Variants in ERBIN observed in about 807,000 individuals in gnomAD.
ERBIN encodes erbb2 interacting protein.
In ERBIN, 60 loss-of-function variants were observed where a neutral mutation model predicts 158.4. That is an observed-to-expected ratio of 0.38 (90% CI 0.31 to 0.47). The LOEUF is 0.47. Among genes scored for constraint, ERBIN ranks in the 20% least tolerant of loss-of-function variants. ERBIN has a pLI of 0.99. For missense variants in ERBIN, 1,610 were observed against 1,648.0 expected, an observed-to-expected ratio of 0.98 and a Z score of 0.40; for synonymous variants, 594 against 557.2, an observed-to-expected ratio of 1.07 and a Z score of -0.93.
chr5:66,018,652 T>G (rs866566491), intron 7 of ERBIN, among the ~76,000 whole-genome samples: 1 of 128,806 alleles, frequency 7.8e-6, no homozygotes, highest in Middle Eastern at 3.5e-3. Context: ...ATTTTTTGTG[T>G]GTGTGATGAA....
chr5:65,965,584 G>T (rs1399722269), intron 1 of ERBIN, among the ~76,000 whole-genome samples: 1 of 146,764 alleles, frequency 6.8e-6, no homozygotes, highest in African/African-American at 2.5e-5. Flanking sequence ...AGTAGAGGTG[G>T]GTTTCACCAT....
intron 7 of ERBIN, among the ~76,000 whole-genome samples, chr5:66,020,890 C>T (rs1209627808): frequency 3.3e-5 from 5 of 151,894 alleles, no homozygotes; most frequent in South Asian, 2.1e-4. Context: ...TATTAATTTT[C>T]GGAGTTACAG....
chr5:66,070,984 T>C (rs1184557348), intron 21 of ERBIN, among the ~76,000 whole-genome samples: 3 of 152,178 alleles, frequency 2.0e-5, no homozygotes, highest in South Asian at 2.1e-4. Context: ...TTCTAAAATA[T>C]ATATAGGGAT....
At chr5:65,982,835 A>G (rs1372571574) in intron 1 of ERBIN, among the ~76,000 whole-genome samples, 1 of 152,214 alleles carries the variant, frequency 6.6e-6, no homozygotes, top group Non-Finnish European at 1.5e-5. Context: ...ACCTATGAGA[A>G]CAGAAGCATG....
At chr5:66,058,236 G>A (rs1313896462) in intron 21 of ERBIN, among the ~76,000 whole-genome samples, 2 of 151,628 alleles carry the variant, frequency 1.3e-5, no homozygotes, top group East Asian at 1.9e-4. Context: ...TCTAACTGGT[G>A]TGAGATGGTA....
At chr5:66,074,072 T>TTTA (rs1463596349) in intron 22 of ERBIN, among the ~76,000 whole-genome samples, 2 of 139,410 alleles carry the variant, frequency 1.4e-5, no homozygotes, top group South Asian at 2.2e-4. Flanking sequence ...TTTTTTTTTT[T>TTTA]AGAGATGGGG....
chr5:66,002,935 A>G (rs1753152377), intron 4 of ERBIN, among the ~76,000 whole-genome samples: 1 of 152,218 alleles, frequency 6.6e-6, no homozygotes, highest in African/African-American at 2.4e-5. Context: ...TACACTGTCC[A>G]TGTTTAGACT....
At position 66,052,326 on chromosome 5, in the gene ERBIN, G is replaced by A. The variant is rs144632503; in HGVS notation, c.2088-1080G>A. Among the ~76,000 whole-genome samples, 1,127 of 152,142 alleles carry A rather than the reference G, an allele frequency of 7.4e-3. 20 individuals carry two copies. Among genetic ancestry groups the A allele is most frequent in the African/African-American group, 0.026 (1,076 of 41,492 alleles). On this transcript the variant is annotated intron_variant, in intron 20 of 25. Transcript: ENST00000284037. ...AAGTAAAATTTGTATATATTAATGC[G>A]TGTTGTTGGAAAAGGGAGGTGAATT...
rs1759412650 is a variant in ERBIN, at chr5:66,054,658, G to A, written c.3340G>A (p.Gly1114Arg). ...YLSYREFHSA[G>R]RTPPMMPGSQ... Reference sequence around the variant, plus strand: ...ATCATACAGAGAGTTCCACTCAGCGGGAAGAACTCCTCCAATGATGCCAGG... The same window carrying A: ...ATCATACAGAGAGTTCCACTCAGCGAGAAGAACTCCTCCAATGATGCCAGG... The change falls in exon 21 of 26, where the codon GGA becomes AGA. Residue 1114 changes from glycine (G) to arginine (R), a missense_variant. Physicochemically the swap from Gly to Arg is moderately radical, Grantham distance 125. This residue lies in a region of ERBIN where 1,014 missense variants were observed against 936.1 expected (regional missense o/e 1.08). Coordinates refer to ENST00000284037, the MANE Select transcript of ERBIN (RefSeq NM_001253697.2). The A allele has an allele frequency of 6.2e-7, 1 of 1,613,942 alleles. No homozygotes were observed. Among genetic ancestry groups the A allele is most frequent in the African/African-American group, 1.3e-5 (1 of 74,892 alleles).
chr5:66,013,040 G>T (rs1173950673), intron 5 of ERBIN, among the ~76,000 whole-genome samples: 1 of 152,066 alleles, frequency 6.6e-6, no homozygotes, highest in African/African-American at 2.4e-5. Context: ...TTCACAGTGG[G>T]GTATTTGTGT....
intron 15 of ERBIN, among the ~76,000 whole-genome samples, chr5:66,038,741 G>A (rs1757643846): frequency 6.6e-6 from 1 of 151,982 alleles, no homozygotes. Context: ...AAAACATTTA[G>A]CTGTATGCTA....
chr5:66,065,699 T>C (rs767993686), intron 21 of ERBIN, among the ~76,000 whole-genome samples: 1 of 149,528 alleles, frequency 6.7e-6, no homozygotes, highest in Non-Finnish European at 1.5e-5. Context: ...TTATTTGTTA[T>C]CCCATTTTCC....
chr5:65,941,313 TAAAAA>T (rs1217469941), intron 1 of ERBIN, among the ~76,000 whole-genome samples: 2 of 60,088 alleles, frequency 3.3e-5, no homozygotes, highest in East Asian at 3.1e-4. Flanking sequence ...GAATGATCAA[TAAAAA>T]AAAAAAAAAA....
At chr5:65,942,277 T>C (rs1406237295) in intron 1 of ERBIN, among the ~76,000 whole-genome samples, 1 of 152,218 alleles carries the variant, frequency 6.6e-6, no homozygotes, top group Non-Finnish European at 1.5e-5. Flanking sequence ...GAAATCCAAG[T>C]TTCCTGACTC....
In ERBIN at chr5:66,072,155, T is replaced by C. The variant is rs1423465953; in HGVS notation, c.3634-14T>C. 1.3e-6 allele frequency: 2 copies of C among 1,546,752 alleles called. No individual in the cohort carries two copies. Among genetic ancestry groups the C allele is most frequent in the Admixed American group, 4.0e-5 (2 of 50,364 alleles). ...AGAACATTATTTGTTTACTTTTTAT[T>C]TCCTGCTCATTAGAAGCATCCCCAG... On this transcript the variant is annotated splice_polypyrimidine_tract_variant and intron_variant, in intron 21 of 25. Transcript: ENST00000284037.
chr5:66,067,811 A>G (rs544285563), intron 21 of ERBIN, among the ~76,000 whole-genome samples: 2 of 152,156 alleles, frequency 1.3e-5, no homozygotes, highest in Non-Finnish European at 2.9e-5. Context: ...CCCTGTCTAC[A>G]TGAAAAATAA....
chr5:66,009,140 C>A (rs772537930), intron 4 of ERBIN, among the ~76,000 whole-genome samples: 3 of 152,204 alleles, frequency 2.0e-5, no homozygotes, highest in Non-Finnish European at 4.4e-5. Context: ...CCACCAGGCA[C>A]TGCTACATGT....
chr5:66,065,575 T>G (rs1760886937), intron 21 of ERBIN, among the ~76,000 whole-genome samples: 2 of 149,340 alleles, frequency 1.3e-5, no homozygotes, highest in Admixed American at 1.3e-4. Flanking sequence ...TCAGAGATTT[T>G]CAGATTAATT....
At chr5:66,061,768 G>T (rs962677658) in intron 21 of ERBIN, among the ~76,000 whole-genome samples, 1 of 152,122 alleles carries the variant, frequency 6.6e-6, no homozygotes, top group Non-Finnish European at 1.5e-5. Flanking sequence ...GCATTTGCTT[G>T]TCTGTAAGGT....
Sources: allele counts gnomAD v4.1 joint callset (sites outside exome capture counted in the v4.1 genomes callset), GRCh38; gene constraint gnomAD v4.1.1; regional missense constraint gnomAD v4.1.1; transcripts MANE v1.5; gene names NCBI Gene and HGNC (gene_info 2026-07-23, HGNC 2026-07-21).